Variants in KCNQ5 observed in about 807,000 individuals in gnomAD.
The protein encoded by KCNQ5 is potassium voltage-gated channel subfamily Q member 5, also known as potassium voltage-gated channel subfamily KQT member 5.
KCNQ5 carries 30 observed loss-of-function variants against 98.2 expected under a neutral mutation model. That is an observed-to-expected ratio of 0.31 (90% CI 0.23 to 0.41). KCNQ5 has a LOEUF of 0.41. Ranked by LOEUF, KCNQ5 falls within the 10% of genes least tolerant of loss-of-function variation. The pLI is 1.00. For missense variants in KCNQ5, 835 were observed against 1,182.5 expected (o/e 0.71, Z 4.31); for synonymous variants, 458 against 449.4 (o/e 1.02, Z -0.24).
chr6:72,895,246 A>G (rs1581973076), intron 1 of KCNQ5, among the ~76,000 whole-genome samples: 1 of 150,368 alleles, frequency 6.7e-6, no homozygotes, highest in Admixed American at 6.6e-5. Context: ...CAGAGATCGC[A>G]CCACTGCACA....
intron 5 of KCNQ5, among the ~76,000 whole-genome samples, chr6:73,104,039 TA>T (rs971045452): frequency 6.6e-6 from 1 of 151,712 alleles, no homozygotes; most frequent in Non-Finnish European, 1.5e-5. Context: ...TAGTTTGATT[TA>T]AAAAAAACAA....
At chr6:73,070,381 T>G (rs1421069692) in intron 3 of KCNQ5, among the ~76,000 whole-genome samples, 1 of 152,164 alleles carries the variant, frequency 6.6e-6, no homozygotes, top group Non-Finnish European at 1.5e-5. Flanking sequence ...GTAAGATTAG[T>G]TCTCTACTTC....
chr6:72,897,909 A>G (rs1779313850), intron 1 of KCNQ5, among the ~76,000 whole-genome samples: 1 of 152,182 alleles, frequency 6.6e-6, no homozygotes, highest in South Asian at 2.1e-4. Flanking sequence ...AAAATGAGGT[A>G]GTATCTATTC....
rs76867479 is a variant in KCNQ5 at position 73,005,609 on chromosome 6, A to G, written c.489+1611A>G. Among the ~76,000 whole-genome samples the G allele has an allele frequency of 3.0e-3, 459 of 151,716 alleles. 5 individuals carry two copies. Among genetic ancestry groups the G allele is most frequent in the East Asian group, 0.025 (130 of 5,184 alleles). On this transcript the variant is annotated intron_variant, in intron 2 of 13. Transcript: ENST00000370398. ...CATGTAATCACAAAGTCTAAAACTG[A>G]TTAGTATCTTGACTTTTAAAACCTG... is the stretch of plus-strand genomic sequence containing the variant.
intron 1 of KCNQ5, among the ~76,000 whole-genome samples, chr6:72,947,226 A>G (rs371014046): frequency 5.3e-5 from 8 of 152,248 alleles, no homozygotes; most frequent in Middle Eastern, 3.4e-3. Flanking sequence ...TTAACATGCT[A>G]TTTCTCCTGA....
At chr6:73,147,219 A>G (rs558018364) in intron 10 of KCNQ5, among the ~76,000 whole-genome samples, 7 of 152,098 alleles carry the variant, frequency 4.6e-5, no homozygotes, top group Non-Finnish European at 1.0e-4. Context: ...ATAAGATATA[A>G]TGTGTGTAAA....
chr6:72,879,706 T>C (rs1479884608), intron 1 of KCNQ5, among the ~76,000 whole-genome samples: 1 of 152,196 alleles, frequency 6.6e-6, no homozygotes, highest in Non-Finnish European at 1.5e-5. Context: ...TCGAGATGTC[T>C]CAAGTTCTTT....
At chr6:73,002,536 T>C (rs959303981) in intron 1 of KCNQ5, among the ~76,000 whole-genome samples, 2 of 152,168 alleles carry the variant, frequency 1.3e-5, no homozygotes, top group Non-Finnish European at 2.9e-5. Flanking sequence ...TAGCACAGTG[T>C]CCAGCTTGTA....
intron 1 of KCNQ5, among the ~76,000 whole-genome samples, chr6:72,764,340 A>G (rs1772450945): frequency 6.6e-6 from 1 of 152,070 alleles, no homozygotes; most frequent in Non-Finnish European, 1.5e-5. Context: ...TGACAAAAGA[A>G]TATAAACTAT....
At chr6:73,176,552 ACT>A (rs1443413177) in intron 11 of KCNQ5, among the ~76,000 whole-genome samples, 1 of 152,172 alleles carries the variant, frequency 6.6e-6, no homozygotes, top group Non-Finnish European at 1.5e-5. Flanking sequence ...TGGAAAGATG[ACT>A]CTGATTGCAA....
At chr6:72,724,161 A>G (rs1770136824) in intron 1 of KCNQ5, among the ~76,000 whole-genome samples, 1 of 152,206 alleles carries the variant, frequency 6.6e-6, no homozygotes, top group South Asian at 2.1e-4. Flanking sequence ...TGTAAGACAT[A>G]TAAAATAGCT....
intron 1 of KCNQ5, among the ~76,000 whole-genome samples, chr6:72,950,640 T>C (rs1766756611): frequency 6.6e-6 from 1 of 152,208 alleles, no homozygotes; most frequent in Non-Finnish European, 1.5e-5. Flanking sequence ...GCTGCAGTGA[T>C]GAGCACACAG....
intron 3 of KCNQ5, among the ~76,000 whole-genome samples, chr6:73,066,468 G>T (rs1189424396): frequency 6.6e-6 from 1 of 152,094 alleles, no homozygotes; most frequent in African/African-American, 2.4e-5. Context: ...CTCATGCTTG[G>T]CTTATAGTAG....
intron 2 of KCNQ5, among the ~76,000 whole-genome samples, chr6:73,041,192 G>A (rs1057402223): frequency 1.3e-5 from 2 of 152,090 alleles, no homozygotes; most frequent in East Asian, 1.9e-4. Context: ...TTCTATCATC[G>A]ACTGTTTAAT....
intron 11 of KCNQ5, among the ~76,000 whole-genome samples, chr6:73,170,368 C>G (rs995902465): frequency 6.6e-6 from 1 of 150,774 alleles, no homozygotes; most frequent in Non-Finnish European, 1.5e-5. Flanking sequence ...TGGCAGAGAG[C>G]TAAGAGAGTA....
chr6:73,079,894 T>G (rs777822083), intron 5 of KCNQ5, among the ~76,000 whole-genome samples: 1 of 152,250 alleles, frequency 6.6e-6, no homozygotes, highest in African/African-American at 2.4e-5. Flanking sequence ...CATCCCAGCC[T>G]TCAAAGCAAT....
chr6:72,850,992 A>C (rs965588792), intron 1 of KCNQ5, among the ~76,000 whole-genome samples: 2 of 152,052 alleles, frequency 1.3e-5, no homozygotes, highest in Admixed American at 1.3e-4. Context: ...AGATTCTTGC[A>C]AGGATATTAA....
chr6:73,072,154 A>G (rs1049622897), intron 3 of KCNQ5, among the ~76,000 whole-genome samples: 13 of 152,010 alleles, frequency 8.6e-5, no homozygotes, highest in African/African-American at 3.1e-4. Flanking sequence ...ATTAGGGAAA[A>G]CTTTCTGAGA....
intron 1 of KCNQ5, among the ~76,000 whole-genome samples, chr6:72,707,406 G>A (rs1769145537): frequency 6.6e-6 from 1 of 152,062 alleles, no homozygotes; most frequent in African/African-American, 2.4e-5. Flanking sequence ...ATCCTTATAT[G>A]TGTGTACATA....
Sources: gnomAD v4.1 joint callset for allele counts (sites outside exome capture counted in the v4.1 genomes callset) on GRCh38, gnomAD v4.1.1 for gene constraint, MANE v1.5 for transcripts, NCBI Gene and HGNC (gene_info 2026-07-23, HGNC 2026-07-21) for gene names.